Variants in NRN1L observed in about 807,000 individuals in gnomAD.
NRN1L encodes neuritin-like protein.
A neutral mutation model predicts 8.8 loss-of-function variants in NRN1L; 12 were observed. The ratio of observed to expected loss-of-function variants is 1.36; its 90% confidence interval spans 0.87 to 2.20. The LOEUF (loss-of-function observed/expected upper bound fraction) is 2.20. NRN1L is among the 30% of genes most tolerant of loss of function. NRN1L has a pLI of 0.00. For missense variants in NRN1L, 266 were observed against 232.4 expected (o/e 1.14, Z -0.94); for synonymous variants, 114 against 99.2 (o/e 1.15, Z -0.88).
In NRN1L at chr16:67,886,078, C is replaced by T. The variant is rs201561757; in HGVS notation, c.317C>T (p.Pro106Leu). The part of the protein sequence containing the change: ...ESLQQEARQA[P>L]RPNNLHTLCG... ...CTACAGCAAGAAGCTCGCCAGGCCC[C>T]CCGTCCGAATAACTTGCACACTCTG... The change falls in exon 3 of 3, where the codon CCC becomes CTC. Residue 106 changes from proline (P) to leucine (L), a missense_variant. By Grantham distance (98) the Pro-to-Leu change is moderately conservative. Coordinates refer to ENST00000339176, the MANE Select transcript of NRN1L (RefSeq NM_198443.2). The T allele has an allele frequency of 6.2e-7, 1 of 1,613,542 alleles. No homozygotes were observed. Among genetic ancestry groups the T allele is most frequent in the Non-Finnish European group, 8.5e-7 (1 of 1,179,790 alleles).
intron 1 of NRN1L, 151 bp downstream of exon 1, chr16:67,885,133 T>C (rs2058089993): frequency 1.5e-6 from 1 of 653,106 alleles, no homozygotes; most frequent in East Asian, 2.7e-5. Flanking sequence ...GGACAGAAAG[T>C]GAGAGGCACA....
chr16:67,884,998 C>T lies in NRN1L; in HGVS notation c.79+16C>T, dbSNP rs1309908139. 3.8e-6 allele frequency: 6 copies of T among 1,599,906 alleles called. No individual in the cohort carries two copies. Among genetic ancestry groups the T allele is most frequent in the South Asian group, 2.2e-5 (2 of 90,778 alleles). On this transcript the variant is annotated intron_variant, in intron 1 of 2. Transcript: ENST00000339176. The surrounding 1 kb of genome is among the most constrained non-coding windows in gnomAD (Gnocchi z 4.1). ...CTGCCCCTCGGTGAGTGCGGGCATC[C>T]GGGGCCCGGGCCACACCCCCTTCTC...
intron 2 of NRN1L, 43 bp from the exon 3 acceptor site, chr16:67,885,931 C>G (rs369400959): frequency 1.2e-4 from 187 of 1,599,778 alleles, no homozygotes; most frequent in Non-Finnish European, 1.5e-4. Flanking sequence ...AAGCTAAAGT[C>G]TCCTTGCCTC....
downstream of NRN1L, among the ~76,000 whole-genome samples, chr16:67,888,483 C>T (rs1034146218): frequency 6.6e-6 from 1 of 152,050 alleles, no homozygotes; most frequent in African/African-American, 2.4e-5. Context: ...CCTACTTTTC[C>T]ATGGAATAGA....
In NRN1L at chr16:67,886,066, C is replaced by T. The variant is rs1476604729; in HGVS notation, c.305C>T (p.Ala102Val). 2 of 1,613,850 alleles carry T rather than the reference C, an allele frequency of 1.2e-6. No individual in the cohort carries two copies. Among genetic ancestry groups the T allele is most frequent in the South Asian group, 1.1e-5 (1 of 91,034 alleles). The change falls in exon 3 of 3, where the codon GCT becomes GTT. Residue 102 changes from alanine to valine, a missense_variant. Ala to Val is a moderately conservative substitution (Grantham distance 64). Coordinates refer to ENST00000339176, the MANE Select transcript of NRN1L (RefSeq NM_198443.2). ...GTGTGGGAATCACTACAGCAAGAAG[C>T]TCGCCAGGCCCCCCGTCCGAATAAC... ...AAVWESLQQE[A>V]RQAPRPNNLH...
rs746850390 is a variant in NRN1L, at chr16:67,886,061, A to G, written c.300A>G (p.Gln100=). ...EAAAVWESLQ[Q]EARQAPRPNN... ...CTGCAGTGTGGGAATCACTACAGCA[A>G]GAAGCTCGCCAGGCCCCCCGTCCGA... Residue 100 remains glutamine, a synonymous_variant, in exon 3 of 3, where the codon CAA becomes CAG. Coordinates refer to ENST00000339176, the MANE Select transcript of NRN1L (RefSeq NM_198443.2). 6.2e-6 allele frequency: 10 copies of G among 1,613,844 alleles called. No homozygotes were observed. In the African/African-American group the frequency reaches 8.0e-5, roughly 13 times the overall value.
At position 67,885,713 on chromosome 16, in the gene NRN1L, C is replaced by CCCCCCACA; in HGVS notation, c.80-9_80-8insCCCCCACA. On this transcript the variant is annotated splice_polypyrimidine_tract_variant and intron_variant, in intron 1 of 2. Coordinates refer to ENST00000339176, the MANE Select transcript of NRN1L (RefSeq NM_198443.2). Reference sequence around the variant, plus strand: ...TTCCTTCCCCACCCCACCCCCGCCCCACTTCTAGTCCTTTTACCTCCCCTG... The same window carrying CCCCCCACA: ...TTCCTTCCCCACCCCACCCCCGCCCCCCCCCACAACTTCTAGTCCTTTTACCTCCCCTG... 1 of 1,509,816 alleles carries CCCCCCACA rather than the reference C, an allele frequency of 6.6e-7. No individual in the cohort carries two copies. Among genetic ancestry groups the CCCCCCACA allele is most frequent in the Non-Finnish European group, 9.1e-7 (1 of 1,104,184 alleles). 93.5% of individuals were successfully genotyped at this position (1,509,816 alleles called of 1,614,324 possible). A position where few individuals can be genotyped will look rare whatever the true frequency, so the allele number is the denominator to read the frequency against.
At chr16:67,887,433 C>A (rs757870280), downstream of NRN1L, among the ~76,000 whole-genome samples, 3 of 146,288 alleles carry the variant, frequency 2.1e-5, no homozygotes, top group Admixed American at 1.4e-4. Context: ...CCACCATGCC[C>A]GACTAATTTT....
Position 67,884,981 on chromosome 16 carries a change from C to T in NRN1L, c.78C>T (p.Leu26=). Reference sequence around the variant, plus strand: ...TGAGGCCGTTGCTGTTGCTGCCCCTCGGTGAGTGCGGGCATCCGGGGCCCG... The same window carrying T: ...TGAGGCCGTTGCTGTTGCTGCCCCTTGGTGAGTGCGGGCATCCGGGGCCCG... ...HALRPLLLLP[L]VLLPPLAAAA... The change falls in exon 1 of 3, where the codon CTC becomes CTT. Residue 26 remains leucine, a splice_region_variant and synonymous_variant. Transcript: ENST00000339176. This position sits in a 1 kb window ranked among gnomAD's most constrained non-coding sequence, Gnocchi z 4.1. 3 of 1,606,940 alleles carry T rather than the reference C, an allele frequency of 1.9e-6. 1 individual carries two copies. Among genetic ancestry groups the T allele is most frequent in the Middle Eastern group, 3.3e-4 (2 of 6,048 alleles).
At chr16:67,887,807 C>A (rs1320228876), downstream of NRN1L, among the ~76,000 whole-genome samples, 1 of 152,132 alleles carries the variant, frequency 6.6e-6, no homozygotes, top group African/African-American at 2.4e-5. Flanking sequence ...TGGTCTCGAT[C>A]TCCTGACCTC....
chr16:67,885,700 C>A, intron 1 of NRN1L, 22 bp from the exon 2 acceptor site: 6 of 1,131,436 alleles, frequency 5.3e-6, no homozygotes, highest in Admixed American at 2.3e-5. Context: ...CCTTCCCCAC[C>A]CCACCCCCGC....
At position 67,885,987 on chromosome 16, in the gene NRN1L, T is replaced by G. The variant is rs759005964; in HGVS notation, c.226T>G (p.Phe76Val). 1.9e-6 allele frequency: 3 copies of G among 1,614,144 alleles called. No individual in the cohort carries two copies. The South Asian group carries it at 3.3e-5, about 18-fold the overall frequency. ...LETICRSWND[F>V]HACASQVLSG... Reference sequence around the variant, plus strand: ...CTCCCTTAACAGGTCTTGGAATGACTTCCATGCCTGTGCCTCTCAGGTCCT... The same window carrying G: ...CTCCCTTAACAGGTCTTGGAATGACGTCCATGCCTGTGCCTCTCAGGTCCT... The change falls in exon 3 of 3, where the codon TTC becomes GTC. Residue 76 changes from phenylalanine (F) to valine (V), a missense_variant. Transcript: ENST00000339176.
downstream of NRN1L, among the ~76,000 whole-genome samples, chr16:67,886,633 G>C (rs1392664506): frequency 6.6e-6 from 1 of 152,158 alleles, no homozygotes; most frequent in Non-Finnish European, 1.5e-5. Context: ...TTGAGATCGG[G>C]AGGGTGGGGT....
chr16:67,885,778 T>G lies in NRN1L; in HGVS notation c.136T>G (p.Tyr46Asp). Residue 46 changes from tyrosine to aspartate, a missense_variant, in exon 2 of 3, where the codon TAC becomes GAC. By Grantham distance (160) the Tyr-to-Asp change is radical. Transcript: ENST00000339176. ...GGGCCCAAACCGATGTGACACCATATACCAGGGCTTCGCCGAGTGTCTCAT... is the reference window on the plus strand; with the variant it reads ...GGGCCCAAACCGATGTGACACCATAGACCAGGGCTTCGCCGAGTGTCTCAT... ...AAGPNRCDTIYQGFAECLIRL... is the reference protein window; with the variant it reads ...AAGPNRCDTIDQGFAECLIRL... 7.0e-7 allele frequency: 1 copy of G among 1,433,082 alleles called. No homozygotes were observed. The highest frequency in any genetic ancestry group is 9.4e-7 in the Non-Finnish European group (1 of 1,066,028). 88.8% of individuals were successfully genotyped at this position (1,433,082 alleles called of 1,614,324 possible). A position where few individuals can be genotyped will look rare whatever the true frequency, so the allele number is the denominator to read the frequency against.
At chr16:67,886,603 C>T (rs1253442615), downstream of NRN1L, among the ~76,000 whole-genome samples, 1 of 152,228 alleles carries the variant, frequency 6.6e-6, no homozygotes, top group Non-Finnish European at 1.5e-5. Context: ...GCACAGTCTT[C>T]CTCTACCTTC....
In NRN1L at chr16:67,885,700, CCCA is replaced by C; in HGVS notation, c.80-19_80-17del. 8.8e-7 allele frequency: 1 copy of C among 1,131,442 alleles called. No individual in the cohort carries two copies. Among genetic ancestry groups the C allele is most frequent in the South Asian group, 1.5e-5 (1 of 67,840 alleles). 70.1% of individuals were successfully genotyped at this position (1,131,442 alleles called of 1,614,324 possible). On this transcript the variant is annotated intron_variant, in intron 1 of 2. Coordinates refer to ENST00000339176, the MANE Select transcript of NRN1L (RefSeq NM_198443.2). ...ATCCTATCTACCATTCCTTCCCCAC[CCCA>C]CCCCCGCCCCACTTCTAGTCCTTTT...
In NRN1L at chr16:67,885,034, G is replaced by C. The variant is rs572771461; in HGVS notation, c.79+52G>C. 1.3e-5 allele frequency: 20 copies of C among 1,501,480 alleles called. No individual in the cohort carries two copies. The African/African-American group carries it at 2.5e-4, about 18-fold the overall frequency. The allele number at this position is 1,501,480 out of a possible 1,614,324, so 93.0% of individuals were successfully genotyped here. A position where few individuals can be genotyped will look rare whatever the true frequency, so the allele number is the denominator to read the frequency against. On this transcript the variant is annotated intron_variant, in intron 1 of 2. Coordinates refer to ENST00000339176, the MANE Select transcript of NRN1L (RefSeq NM_198443.2). ...CCACACCCCCTTCTCGCCCAGCCAA[G>C]CCAGGCTGGGCATAGGGTGTGTGGG... is the stretch of plus-strand genomic sequence containing the variant.
In NRN1L at chr16:67,886,276, G is replaced by C. The variant is rs765500711; in HGVS notation, c.*17G>C. ...CTGGCCTAGCTTGTTGGGTTGGGTAGCAGCGCCCGTACCTCCAGCCCTGCT... is the reference window on the plus strand; with the variant it reads ...CTGGCCTAGCTTGTTGGGTTGGGTACCAGCGCCCGTACCTCCAGCCCTGCT... On this transcript the variant is annotated 3_prime_UTR_variant, in exon 3 of 3. Coordinates refer to ENST00000339176, the MANE Select transcript of NRN1L (RefSeq NM_198443.2). 1.9e-6 allele frequency: 3 copies of C among 1,566,294 alleles called. No homozygotes were observed. The highest frequency in any genetic ancestry group is 1.1e-5 in the South Asian group (1 of 87,194).
chr16:67,886,024 C>A lies in NRN1L; in HGVS notation c.263C>A (p.Pro88Gln), dbSNP rs781327123. The A allele has an allele frequency of 1.1e-5, 17 of 1,613,996 alleles. No individual in the cohort carries two copies. The change falls in exon 3 of 3, where the codon CCG becomes CAG. Residue 88 changes from proline (P) to glutamine (Q), a missense_variant. Physicochemically the swap from Pro to Gln is moderately conservative, Grantham distance 76. Coordinates refer to ENST00000339176, the MANE Select transcript of NRN1L (RefSeq NM_198443.2). Reference protein sequence around the residue: ...ACASQVLSGCPEEAAAVWESL... With the variant: ...ACASQVLSGCQEEAAAVWESL... ...GCCTCTCAGGTCCTGTCAGGCTGTC[C>A]GGAGGAGGCAGCTGCAGTGTGGGAA...
Sources: gnomAD v4.1 joint callset for allele counts (sites outside exome capture counted in the v4.1 genomes callset) on GRCh38, gnomAD v4.1.1 for gene constraint, Gnocchi (gnomAD v3.1) non-coding constraint, MANE v1.5 for transcripts, NCBI Gene and HGNC (gene_info 2026-07-23, HGNC 2026-07-21) for gene names.